Variants in MGAT4C observed in about 807,000 individuals in gnomAD.
The protein encoded by MGAT4C is alpha-1,3-mannosyl-glycoprotein 4-beta-N-acetylglucosaminyltransferase C.
MGAT4C carries 19 observed loss-of-function variants against 40.1 expected under a neutral mutation model. The ratio of observed to expected loss-of-function variants is 0.47; its 90% CI spans 0.33 to 0.70. MGAT4C has a LOEUF of 0.70. Ranked by LOEUF, MGAT4C falls within the 30% of genes least tolerant of loss-of-function variation. The pLI, the probability that MGAT4C is intolerant of heterozygous loss-of-function variation, is 0.02. For synonymous variants in MGAT4C, 181 were observed against 187.1 expected, an observed-to-expected ratio of 0.97 and a Z score of 0.27; for missense variants, 491 against 563.2, an observed-to-expected ratio of 0.87 and a Z score of 1.30.
chr12:86,039,022 T>C (rs997023364), intron 2 of MGAT4C, among the ~76,000 whole-genome samples: 1 of 150,022 alleles, frequency 6.7e-6, no homozygotes, highest in African/African-American at 2.4e-5. Flanking sequence ...AAATTCTGTG[T>C]TGAACATTCT....
chr12:86,739,834 ATATT>A (rs777431143), intron 1 of MGAT4C, among the ~76,000 whole-genome samples: 45 of 150,600 alleles, frequency 3.0e-4, no homozygotes, highest in South Asian at 1.5e-3. Flanking sequence ...GTGTGTATAT[ATATT>A]TATTTATGTA....
At position 86,268,700 on chromosome 12, in the gene MGAT4C, C is replaced by CATATATATATATACATATATACACACAT. The variant is rs1555261532; in HGVS notation, c.-57+65364_-57+65365insATGTGTGTATATATGTATATATATATAT. Among the ~76,000 whole-genome samples the CATATATATATATACATATATACACACAT allele has an allele frequency of 1.4e-4, 20 of 145,244 alleles. 1 individual carries two copies. Among genetic ancestry groups the CATATATATATATACATATATACACACAT allele is most frequent in the Admixed American group, 1.2e-3 (17 of 14,298 alleles). ...ATATACATATATACATATATATACACATATATATATATACACATACACACA... is the reference window on the plus strand; with the variant it reads ...ATATACATATATACATATATATACACATATATATATATACATATATACACACATATATATATATATACACATACACACA... On this transcript the variant is annotated intron_variant, in intron 4 of 7. Transcript: ENST00000548651.
chr12:86,827,235 A>G (rs1241676660), intron 1 of MGAT4C, among the ~76,000 whole-genome samples: 1 of 151,482 alleles, frequency 6.6e-6, no homozygotes, highest in African/African-American at 2.4e-5. Context: ...GGCATCCATG[A>G]GAACAAAGAT....
chr12:86,075,633 T>C (rs1278258409), intron 1 of MGAT4C, among the ~76,000 whole-genome samples: 1 of 152,170 alleles, frequency 6.6e-6, no homozygotes, highest in African/African-American at 2.4e-5. Context: ...CAGCAAACTT[T>C]TGCCTGGGAA....
At chr12:86,319,561 T>C (rs1012384603) in intron 4 of MGAT4C, among the ~76,000 whole-genome samples, 1 of 152,210 alleles carries the variant, frequency 6.6e-6, no homozygotes, top group Non-Finnish European at 1.5e-5. Flanking sequence ...TTAGCATTTA[T>C]TTCTGTCAAG....
chr12:86,346,833 G>A lies in MGAT4C; in HGVS notation c.-119-12706C>T, dbSNP rs909482066. 3.9e-5 allele frequency among the ~76,000 whole-genome samples: 6 copies of A among 152,256 alleles called. No homozygotes were observed. The South Asian group carries it at 8.3e-4, about 21-fold the overall frequency. ...CAATCTGGGTGGGCACCATCCAACCGGCTGCCAGTAGGGCTAGAAAATGTA... is the reference window on the plus strand; with the variant it reads ...CAATCTGGGTGGGCACCATCCAACCAGCTGCCAGTAGGGCTAGAAAATGTA... On this transcript the variant is annotated intron_variant, in intron 3 of 7. Transcript: ENST00000548651.
chr12:86,000,836 G>C (rs942542768), intron 2 of MGAT4C, among the ~76,000 whole-genome samples: 2 of 152,054 alleles, frequency 1.3e-5, no homozygotes, highest in African/African-American at 4.8e-5. Flanking sequence ...GAAAGTATAT[G>C]TCTACCAAAT....
At chr12:86,144,091 C>A in intron 1 of MGAT4C, among the ~76,000 whole-genome samples, 1 of 152,154 alleles carries the variant, frequency 6.6e-6, no homozygotes. Flanking sequence ...GGTGGCTGGG[C>A]ATCCAGGAGA....
chr12:86,523,157 T>C (rs1291648779), intron 2 of MGAT4C, among the ~76,000 whole-genome samples: 1 of 151,896 alleles, frequency 6.6e-6, no homozygotes, highest in Non-Finnish European at 1.5e-5. Flanking sequence ...TGTTGTGTGT[T>C]GTGCTTTGTG....
intron 2 of MGAT4C, among the ~76,000 whole-genome samples, chr12:86,580,481 A>G (rs946501313): frequency 2.0e-5 from 3 of 151,464 alleles, no homozygotes; most frequent in African/African-American, 7.3e-5. Flanking sequence ...ATAATAATGC[A>G]TGAAAAAATG....
intron 4 of MGAT4C, among the ~76,000 whole-genome samples, chr12:86,295,476 C>T (rs941739148): frequency 1.3e-5 from 2 of 152,084 alleles, no homozygotes; most frequent in African/African-American, 4.8e-5. Flanking sequence ...CAGATTTTCG[C>T]AGTGAGTGTT....
At chr12:86,461,240 T>C (rs1026240322) in intron 2 of MGAT4C, among the ~76,000 whole-genome samples, 2 of 145,046 alleles carry the variant, frequency 1.4e-5, no homozygotes, top group East Asian at 3.9e-4. Context: ...CATCTTCTTT[T>C]TTTTTTTTTT....
chr12:86,338,811 T>A (rs1373158853), intron 3 of MGAT4C, among the ~76,000 whole-genome samples: 1 of 151,788 alleles, frequency 6.6e-6, no homozygotes, highest in African/African-American at 2.4e-5. Context: ...ATACAAAAAT[T>A]AGCCAGGCAT....
intron 3 of MGAT4C, among the ~76,000 whole-genome samples, chr12:86,353,064 TA>T (rs537648565): frequency 5.7e-4 from 85 of 149,124 alleles, no homozygotes; most frequent in African/African-American, 1.8e-3. Context: ...AAATAAATTA[TA>T]AAAAAAAAGA....
At chr12:86,034,340 T>C (rs917754050) in intron 2 of MGAT4C, among the ~76,000 whole-genome samples, 1 of 149,752 alleles carries the variant, frequency 6.7e-6, no homozygotes, top group African/African-American at 2.4e-5. Context: ...CCCACTCTTC[T>C]TTATACATTG....
chr12:86,515,322 C>A (rs1337544965), intron 2 of MGAT4C, among the ~76,000 whole-genome samples: 1 of 151,968 alleles, frequency 6.6e-6, no homozygotes, highest in African/African-American at 2.4e-5. Context: ...AATGAAAAAT[C>A]GAAAAGAAAG....
At chr12:86,379,859 T>A (rs545523748) in intron 3 of MGAT4C, among the ~76,000 whole-genome samples, 9 of 152,110 alleles carry the variant, frequency 5.9e-5, no homozygotes, top group Non-Finnish European at 1.2e-4. Context: ...GAATAAGTGT[T>A]CTTGTTAAAG....
At chr12:86,436,540 TTTAA>T (rs1957141152) in intron 2 of MGAT4C, among the ~76,000 whole-genome samples, 1 of 151,732 alleles carries the variant, frequency 6.6e-6, no homozygotes, top group Non-Finnish European at 1.5e-5. Flanking sequence ...CATTTTCATG[TTTAA>T]TTATTTTATT....
At chr12:86,402,092 T>C (rs2136237317) in intron 3 of MGAT4C, among the ~76,000 whole-genome samples, 1 of 152,090 alleles carries the variant, frequency 6.6e-6, no homozygotes, top group Admixed American at 6.6e-5. Flanking sequence ...TTTAAGGGTA[T>C]ACTTTAATTT....
Sources: gnomAD v4.1 joint callset for allele counts (sites outside exome capture counted in the v4.1 genomes callset) on GRCh38, gnomAD v4.1.1 for gene constraint, MANE v1.5 for transcripts, NCBI Gene and HGNC (gene_info 2026-07-23, HGNC 2026-07-21) for gene names.